Variants in TNRC6C observed in about 807,000 individuals in gnomAD.
The protein encoded by TNRC6C is trinucleotide repeat-containing gene 6C protein.
Under a neutral mutation model 153.7 loss-of-function variants are expected in TNRC6C, and 20 were observed. The observed-to-expected ratio is 0.13, with a 90% CI of 0.09 to 0.19. The LOEUF (loss-of-function observed/expected upper bound fraction) is 0.19. Among genes scored for constraint, TNRC6C ranks in the 10% least tolerant of loss-of-function variants. TNRC6C has a pLI of 1.00. For synonymous variants in TNRC6C, 811 were observed against 841.4 expected, an observed-to-expected ratio of 0.96 and a Z score of 0.63; for missense variants, 1,987 against 2,172.0, an observed-to-expected ratio of 0.91 and a Z score of 1.69.
chr17:77,986,244 C>A (rs539016504), intron 1 of TNRC6C, among the ~76,000 whole-genome samples: 1 of 152,000 alleles, frequency 6.6e-6, no homozygotes, highest in Non-Finnish European at 1.5e-5. Flanking sequence ...GGAGAAACCT[C>A]GTCTCTATTA....
intron 2 of TNRC6C, among the ~76,000 whole-genome samples, chr17:78,038,411 C>T (rs979782651): frequency 6.6e-6 from 1 of 151,994 alleles, no homozygotes. Flanking sequence ...CGGTGGCTCA[C>T]GCATGTAATC....
chr17:78,004,970 T>G, upstream of TNRC6C: 1 of 1,029,980 alleles, frequency 9.7e-7, no homozygotes, highest in Non-Finnish European at 1.2e-6. Context: ...ACTAAAAGTT[T>G]GCTTATAAAC....
At chr17:77,969,828 T>G (rs1433151596) in intron 1 of TNRC6C, among the ~76,000 whole-genome samples, 1 of 151,986 alleles carries the variant, frequency 6.6e-6, no homozygotes, top group African/African-American at 2.4e-5. Context: ...AAAATTAACA[T>G]TACTGAAAAA....
chr17:78,083,205 C>T (rs751069436), intron 11 of TNRC6C, 39 bp downstream of exon 13: 92 of 1,611,154 alleles, frequency 5.7e-5, no homozygotes, highest in Non-Finnish European at 7.1e-5. Context: ...GCACGCAGGC[C>T]GAGTGCAGAT....
At chr17:78,016,816 T>C (rs1006560230) in intron 1 of TNRC6C, among the ~76,000 whole-genome samples, 2 of 152,236 alleles carry the variant, frequency 1.3e-5, no homozygotes, top group Non-Finnish European at 2.9e-5. Flanking sequence ...TAAACCATTC[T>C]TTACGTAGAT....
chr17:78,062,949 T>TAA (rs1440966120), intron 3 of TNRC6C, among the ~76,000 whole-genome samples: 1 of 152,108 alleles, frequency 6.6e-6, no homozygotes, highest in Admixed American at 6.6e-5. Context: ...AAGACATTAT[T>TAA]AAGAAAATTG....
At chr17:78,053,192 G>A (rs566003859) in intron 3 of TNRC6C, among the ~76,000 whole-genome samples, 33 of 152,284 alleles carry the variant, frequency 2.2e-4, no homozygotes, top group African/African-American at 7.5e-4. Context: ...GCCTGTTTAC[G>A]TTAACTGACT....
chr17:78,079,275 A>G lies in TNRC6C; in HGVS notation c.3211-120A>G, dbSNP rs769614689. On this transcript the variant is annotated intron_variant, in intron 9 of 19. Transcript: ENST00000301624. This position sits in a 1 kb window ranked among gnomAD's most constrained non-coding sequence, Gnocchi z 4.3. Reference sequence around the variant, plus strand: ...AAAAAATTCTCTTGGGTACAAGTTGACAGTGGTAGGAAGTAGAAACAATTT... The same window carrying G: ...AAAAAATTCTCTTGGGTACAAGTTGGCAGTGGTAGGAAGTAGAAACAATTT... The G allele has an allele frequency of 6.5e-5, 92 of 1,422,970 alleles. No homozygotes were observed. Among genetic ancestry groups the G allele is most frequent in the Non-Finnish European group, 8.5e-5 (89 of 1,048,346 alleles). 88.1% of individuals were successfully genotyped at this position (1,422,970 alleles called of 1,614,324 possible).
At chr17:78,051,607 T>C in intron 3 of TNRC6C, 159 bp downstream of exon 5, 2 of 843,772 alleles carry the variant, frequency 2.4e-6, no homozygotes, top group Non-Finnish European at 3.2e-6. Flanking sequence ...ATCTAAAGAT[T>C]ATCCAGTGAG....
intron 1 of TNRC6C, among the ~76,000 whole-genome samples, chr17:77,971,010 A>G (rs1211989288): frequency 6.6e-6 from 1 of 152,276 alleles, no homozygotes; most frequent in South Asian, 2.1e-4. Flanking sequence ...CTCAGAAAAA[A>G]AAAGAAAGAA....
chr17:77,981,998 G>T (rs1314999787), intron 1 of TNRC6C, among the ~76,000 whole-genome samples: 1 of 152,152 alleles, frequency 6.6e-6, no homozygotes, highest in African/African-American at 2.4e-5. Context: ...GCCTTTGGGA[G>T]GTATTTAGTT....
chr17:78,091,473 T>G, exon 14 of TNRC6C: 3 of 1,605,216 alleles, frequency 1.9e-6, no homozygotes, highest in Non-Finnish European at 2.5e-6. Flanking sequence ...GTCAACAGCA[T>G]GGACATGACC....
At chr17:78,054,360 CACTGCAGACT>C (rs1265604099) in intron 3 of TNRC6C, among the ~76,000 whole-genome samples, 3 of 151,912 alleles carry the variant, frequency 2.0e-5, no homozygotes, top group Admixed American at 1.3e-4. Context: ...CTACGCACAC[CACTGCAGACT>C]ACTGTACACT....
chr17:78,093,482 G>C, intron 15 of TNRC6C, 138 bp from the exon 18 acceptor site: 1 of 1,039,396 alleles, frequency 9.6e-7, no homozygotes, highest in South Asian at 1.7e-5. Context: ...TTTAATGAAA[G>C]AGAGTATAAG....
chr17:78,001,657 A>G (rs2071414224), upstream of TNRC6C, among the ~76,000 whole-genome samples: 1 of 152,234 alleles, frequency 6.6e-6, no homozygotes, highest in Admixed American at 6.5e-5. Flanking sequence ...ACATAATCCC[A>G]GTTATACCAA....
chr17:77,987,425 TAATG>T (rs1414820152), intron 1 of TNRC6C, among the ~76,000 whole-genome samples: 1 of 152,256 alleles, frequency 6.6e-6, no homozygotes, highest in Non-Finnish European at 1.5e-5. Flanking sequence ...AGCAGTTTCA[TAATG>T]AAACCCTTAA....
In TNRC6C at chr17:77,985,601, CAAA is replaced by C. The variant is rs1229331703; in HGVS notation, c.-37-18556_-37-18554del. ...TGGGCAACAGAGCGAGACTCCGTCT[CAAA>C]AAAAAAAAAAAACCAGCAACTGTGT... is the stretch of plus-strand genomic sequence containing the variant. On this transcript the variant is annotated intron_variant, in intron 1 of 22. Transcript: ENST00000636222. Among the ~76,000 whole-genome samples the C allele has an allele frequency of 6.0e-4, 58 of 96,248 alleles. 2 individuals are homozygous for C. The highest frequency in any genetic ancestry group is 2.0e-3 in the African/African-American group (48 of 23,816). 63.1% of individuals were successfully genotyped at this position (96,248 alleles called of 152,430 possible).
rs1328398750 is a variant in TNRC6C, at chr17:77,983,708, TGTA to T, written c.-37-20458_-37-20456del. On this transcript the variant is annotated intron_variant, in intron 1 of 22. Coordinates refer to the TNRC6C transcript ENST00000636222. ...CATAACCAGGTGCAGAAGCAAGGAT[TGTA>T]GTAACTTAGCATATTTTTTCTTGTG... is the stretch of plus-strand genomic sequence containing the variant. Among the ~76,000 whole-genome samples, 3 of 152,212 alleles carry T rather than the reference TGTA, an allele frequency of 2.0e-5. No individual in the cohort carries two copies. In the East Asian group the frequency reaches 5.8e-4, roughly 29 times the overall value.
rs190047695 is a variant in TNRC6C, at chr17:77,987,842, G to T, written c.-37-16328G>T. 3.2e-3 allele frequency among the ~76,000 whole-genome samples: 480 copies of T among 152,124 alleles called. 1 individual carries two copies. The highest frequency in any genetic ancestry group is 5.0e-3 in the Non-Finnish European group (342 of 67,982). On this transcript the variant is annotated intron_variant, in intron 1 of 22. Coordinates refer to the TNRC6C transcript ENST00000636222. ...TTACAGGCATACACCACCATGCCTG[G>T]CTAATTTTTATATTTTTAGTAGAGA...
Sources: gnomAD v4.1 joint callset for allele counts (sites outside exome capture counted in the v4.1 genomes callset) on GRCh38, gnomAD v4.1.1 for gene constraint, Gnocchi (gnomAD v3.1) non-coding constraint, MANE v1.5 for transcripts, NCBI Gene and HGNC (gene_info 2026-07-23, HGNC 2026-07-21) for gene names.